The following OTUD7A variants were observed in gnomAD, a reference collection of about 807,000 sequenced individuals.
OTUD7A encodes OTU domain-containing protein 7A.
Under a neutral mutation model 65.7 loss-of-function variants are expected in OTUD7A, and 12 were observed. The observed-to-expected ratio is 0.18, with a 90% CI of 0.12 to 0.30. The LOEUF (loss-of-function observed/expected upper bound fraction) is 0.30, where lower values mean the gene tolerates loss of function less well. Among genes scored for constraint, OTUD7A ranks in the 10% least tolerant of loss-of-function variants. The pLI is 1.00. For missense variants in OTUD7A, 1,148 were observed against 1,304.8 expected (o/e 0.88, Z 1.85); for synonymous variants, 641 against 586.3 (o/e 1.09, Z -1.35).
chr15:31,687,234 CAGG>C (rs2141313680), intron 1 of OTUD7A, among the ~76,000 whole-genome samples: 1 of 152,146 alleles, frequency 6.6e-6, no homozygotes, highest in East Asian at 1.9e-4. Flanking sequence ...TGACCGAGAG[CAGG>C]AGGAGGAAGC....
chr15:31,837,472 G>C (rs1441964650), intron 1 of OTUD7A, among the ~76,000 whole-genome samples: 1 of 152,062 alleles, frequency 6.6e-6, no homozygotes, highest in Non-Finnish European at 1.5e-5. Flanking sequence ...CTTGAACCCA[G>C]GAGGCAGAGG....
intron 1 of OTUD7A, among the ~76,000 whole-genome samples, chr15:31,726,537 G>A (rs944810816): frequency 1.1e-4 from 16 of 152,180 alleles, no homozygotes; most frequent in South Asian, 4.1e-4. Flanking sequence ...AAACACTACG[G>A]ACAGAATGTT....
At chr15:31,501,575 G>A (rs2141081387) in intron 10 of OTUD7A, 115 bp downstream of exon 10, 1 of 1,343,506 alleles carries the variant, frequency 7.4e-7, no homozygotes, top group Non-Finnish European at 1.0e-6. Context: ...GTGTGCACAG[G>A]TGTGCTTCTA....
chr15:31,478,962 A>C lies in OTUD7A; in HGVS notation c.*4332T>G, dbSNP rs1015966778. 6.6e-6 allele frequency: 1 copy of C among 152,408 alleles called. No homozygotes were observed. Among genetic ancestry groups the C allele is most frequent in the Non-Finnish European group, 1.5e-5 (1 of 68,198 alleles). 9.4% of individuals were successfully genotyped at this position (152,408 alleles called of 1,614,324 possible). A position where few individuals can be genotyped will look rare whatever the true frequency, so the allele number is the denominator to read the frequency against. ...GGCCAACAGACCCAGAGCTGTGGAG[A>C]GGACACGGGCAACAGGGTGGACTTG... On this transcript the variant is annotated 3_prime_UTR_variant, in exon 13 of 13. Transcript: ENST00000307050.
chr15:31,483,897 G>A lies in OTUD7A; in HGVS notation c.2199C>T (p.Ser733=). The change falls in exon 13 of 13, where the codon AGC becomes AGT. Residue 733 remains serine (S), a synonymous_variant. Coordinates refer to ENST00000307050, the MANE Select transcript of OTUD7A (RefSeq NM_001382637.1). ...QLVLKLKERP[S]PGPAAGRAAR... is the part of the protein sequence containing the mutation. ...CCGCACGCCCTGCCGCGGGCCCGGG[G>A]CTCGGCCGCTCCTTGAGCTTGAGCA... 9.9e-7 allele frequency: 1 copy of A among 1,011,740 alleles called. No individual in the cohort carries two copies. Among genetic ancestry groups the A allele is most frequent in the Non-Finnish European group, 1.2e-6 (1 of 848,454 alleles). The allele number at this position is 1,011,740 out of a possible 1,614,324, so 62.7% of individuals were successfully genotyped here. A position where few individuals can be genotyped will look rare whatever the true frequency, so the allele number is the denominator to read the frequency against.
At chr15:31,555,851 T>TTTTC (rs796469452) in intron 5 of OTUD7A, 1 of 103,436 alleles carries the variant, frequency 9.7e-6, no homozygotes, top group African/African-American at 3.1e-5. Flanking sequence ...GTTCTTTTTC[T>TTTTC]TTTTTTTTTT....
chr15:31,853,179 T>C (rs1897474827), intron 1 of OTUD7A, among the ~76,000 whole-genome samples: 4 of 152,240 alleles, frequency 2.6e-5, no homozygotes, highest in Admixed American at 2.0e-4. Flanking sequence ...CTAAAGTTAC[T>C]ACACAATGCT....
intron 1 of OTUD7A, among the ~76,000 whole-genome samples, chr15:31,708,739 G>A (rs1893363832): frequency 6.6e-6 from 1 of 152,034 alleles, no homozygotes; most frequent in East Asian, 1.9e-4. Context: ...AGCTCCATTA[G>A]CATTTCAAGG....
chr15:31,589,423 C>G (rs1889649597), intron 3 of OTUD7A, among the ~76,000 whole-genome samples: 1 of 150,418 alleles, frequency 6.6e-6, no homozygotes, highest in African/African-American at 2.5e-5. Flanking sequence ...CCTTAGCCTC[C>G]CGAGTAGCTG....
chr15:31,732,931 A>C (rs986267741), intron 1 of OTUD7A, among the ~76,000 whole-genome samples: 2 of 152,136 alleles, frequency 1.3e-5, no homozygotes, highest in African/African-American at 4.8e-5. Context: ...ATCTTACCCA[A>C]ACCACAATCT....
intron 1 of OTUD7A, among the ~76,000 whole-genome samples, chr15:31,744,409 G>A (rs1015633581): frequency 2.5e-4 from 38 of 151,980 alleles, no homozygotes; most frequent in African/African-American, 9.2e-4. Flanking sequence ...CAAGTAGAGT[G>A]TATCCCAAGA....
chr15:31,628,144 G>A (rs1326771973), intron 3 of OTUD7A, among the ~76,000 whole-genome samples: 2 of 152,156 alleles, frequency 1.3e-5, no homozygotes, highest in Admixed American at 6.5e-5. Context: ...TGCTTTTGGT[G>A]TTTTAGACAT....
At chr15:31,587,074 C>A (rs905034935) in intron 3 of OTUD7A, among the ~76,000 whole-genome samples, 20 of 152,310 alleles carry the variant, frequency 1.3e-4, no homozygotes, top group African/African-American at 4.8e-4. Context: ...CTAAGAGCAT[C>A]CCAAGCCTAA....
chr15:31,584,194 T>C (rs1177528410), intron 3 of OTUD7A, among the ~76,000 whole-genome samples: 1 of 152,238 alleles, frequency 6.6e-6, no homozygotes, highest in African/African-American at 2.4e-5. Context: ...TCCCAGTTCC[T>C]TTAAGGAACC....
intron 1 of OTUD7A, among the ~76,000 whole-genome samples, chr15:31,782,431 C>T (rs1895564743): frequency 6.6e-6 from 1 of 152,196 alleles, no homozygotes; most frequent in Admixed American, 6.5e-5. Context: ...GAGACACAAA[C>T]TGAGGTCAGA....
At chr15:31,565,280 TGAA>T (rs1415253339) in intron 4 of OTUD7A, among the ~76,000 whole-genome samples, 2 of 152,220 alleles carry the variant, frequency 1.3e-5, no homozygotes, top group South Asian at 2.1e-4. Flanking sequence ...TGTATAAATA[TGAA>T]GAAGAACTTA....
chr15:31,497,769 G>A (rs1239247183), intron 10 of OTUD7A, among the ~76,000 whole-genome samples: 2 of 152,180 alleles, frequency 1.3e-5, no homozygotes, highest in South Asian at 2.1e-4. Flanking sequence ...TGGAAGCCTC[G>A]CCATCCACCC....
At chr15:31,813,849 C>T (rs1896482483) in intron 1 of OTUD7A, among the ~76,000 whole-genome samples, 1 of 152,214 alleles carries the variant, frequency 6.6e-6, no homozygotes, top group South Asian at 2.1e-4. Context: ...TCCGCAGTGA[C>T]ACCTGGACAA....
intron 10 of OTUD7A, among the ~76,000 whole-genome samples, chr15:31,492,253 T>C (rs1048296687): frequency 6.6e-6 from 1 of 152,166 alleles, no homozygotes; most frequent in East Asian, 1.9e-4. Flanking sequence ...TTATACAACA[T>C]GTGAAGTCAA....
Sources: allele counts gnomAD v4.1 joint callset (sites outside exome capture counted in the v4.1 genomes callset), GRCh38; gene constraint gnomAD v4.1.1; transcripts MANE v1.5; gene names NCBI Gene and HGNC (gene_info 2026-07-23, HGNC 2026-07-21).